OPHN1: variants seen among roughly 807,000 people sequenced by gnomAD.
The protein encoded by OPHN1 is oligophrenin-1.
In OPHN1, 11 loss-of-function variants were observed where a neutral mutation model predicts 60.7. The observed-to-expected ratio is 0.18, with a 90% confidence interval of 0.11 to 0.30. The LOEUF (loss-of-function observed/expected upper bound fraction) is 0.30. OPHN1 is among the 10% of genes least tolerant of loss of function. The pLI is 1.00. For synonymous variants in OPHN1, 226 were observed against 222.6 expected (o/e 1.02, Z -0.14); for missense variants, 449 against 611.0 (o/e 0.73, Z 2.80).
chrX:68,227,707 A>G (rs2077702919), intron 6 of OPHN1, among the ~76,000 whole-genome samples: 1 of 111,616 alleles, frequency 9.0e-6, no homozygotes, highest in African/African-American at 3.3e-5. Context: ...TTTGAAACCA[A>G]CGAGAACAAG....
At position 68,375,148 on chromosome X, in the gene OPHN1, CA is replaced by C. The variant is rs146709195; in HGVS notation, c.154+57718del. Among the ~76,000 whole-genome samples the C allele has an allele frequency of 5.2e-3, 572 of 109,456 alleles. 4 individuals carry two copies. The highest frequency in any genetic ancestry group is 8.9e-3 in the Non-Finnish European group (468 of 52,340). On this transcript the variant is annotated intron_variant, in intron 2 of 24. Coordinates refer to ENST00000355520, the MANE Select transcript of OPHN1 (RefSeq NM_002547.3). ...TCTAGAAATAATGTGTGTTCACACACAAAAAAAAACATATAATAATGTTTAC... is the reference window on the plus strand; with the variant it reads ...TCTAGAAATAATGTGTGTTCACACACAAAAAAAACATATAATAATGTTTAC...
intron 10 of OPHN1, among the ~76,000 whole-genome samples, chrX:68,205,745 T>C (rs974835642): frequency 5.4e-5 from 6 of 111,759 alleles, no homozygotes; most frequent in East Asian, 2.8e-4. Flanking sequence ...CCTACCTAAA[T>C]TGGGTCTTCA....
intron 2 of OPHN1, among the ~76,000 whole-genome samples, chrX:68,356,592 T>C (rs1261466329): frequency 9.0e-6 from 1 of 110,587 alleles, no homozygotes; most frequent in Non-Finnish European, 1.9e-5. Context: ...TTTATATTTT[T>C]AGTAGAGGTG....
chrX:68,129,374 T>A (rs138750938), intron 15 of OPHN1, among the ~76,000 whole-genome samples: 6 of 111,485 alleles, frequency 5.4e-5, no homozygotes, highest in African/African-American at 2.0e-4. Flanking sequence ...AAAATGCAGA[T>A]CTCTGGATCC....
chrX:68,052,745 T>C (rs1273265623), intron 22 of OPHN1, among the ~76,000 whole-genome samples, 155 bp from the exon 23 acceptor site: 2 of 111,733 alleles, frequency 1.8e-5, no homozygotes, highest in Non-Finnish European at 3.8e-5. Flanking sequence ...AAATGTGAAA[T>C]GGCCCAGAGC....
At chrX:68,425,974 G>T (rs1333160586) in intron 2 of OPHN1, among the ~76,000 whole-genome samples, 1 of 109,414 alleles carries the variant, frequency 9.1e-6, no homozygotes, top group Non-Finnish European at 1.9e-5. Context: ...GGGACTACAG[G>T]CACGCACCAC....
chrX:68,154,473 C>T (rs926480626), intron 15 of OPHN1, among the ~76,000 whole-genome samples: 3 of 112,443 alleles, frequency 2.7e-5, no homozygotes, highest in East Asian at 2.8e-4. Context: ...AAAATTATAT[C>T]GATTCTTCCT....
At position 68,432,890 on chromosome X, in the gene OPHN1, T is replaced by C; in HGVS notation, c.131A>G (p.Asn44Ser). Residue 44 changes from asparagine (N) to serine (S), a missense_variant, in exon 2 of 25, where the codon AAC becomes AGC. Asn to Ser is a conservative substitution (Grantham distance 46, BLOSUM62 1). Transcript: ENST00000355520. ...KFIKDVIKDG[N>S]ALISAMRNYS... ...ACTTCTCATAGCGCTGATAAGCGCGTTGCCGTCTTTGATTACGTCTTTGAT... is the reference window on the plus strand; with the variant it reads ...ACTTCTCATAGCGCTGATAAGCGCGCTGCCGTCTTTGATTACGTCTTTGAT... 8.3e-7 allele frequency: 1 copy of C among 1,211,867 alleles called. No individual in the cohort carries two copies. The highest frequency in any genetic ancestry group is 1.1e-6 in the Non-Finnish European group (1 of 895,396).
At chrX:68,106,168 T>A (rs2077081144) in intron 18 of OPHN1, among the ~76,000 whole-genome samples, 2 of 107,021 alleles carry the variant, frequency 1.9e-5, no homozygotes, top group South Asian at 8.5e-4. Context: ...GATTATTGAA[T>A]GTTGGGAATA....
intron 2 of OPHN1, among the ~76,000 whole-genome samples, chrX:68,423,559 C>T (rs1008080683): frequency 3.6e-5 from 4 of 110,480 alleles, no homozygotes; most frequent in African/African-American, 1.3e-4. Context: ...AAAGAGAAAC[C>T]CTTTACCCAT....
intron 15 of OPHN1, among the ~76,000 whole-genome samples, chrX:68,137,502 T>C (rs1450200836): frequency 8.9e-6 from 1 of 111,995 alleles, no homozygotes; most frequent in Non-Finnish European, 1.9e-5. Flanking sequence ...GAAAGTTGCT[T>C]GGGCTCTGAC....
chrX:68,409,085 G>C lies in OPHN1; in HGVS notation c.154+23782C>G, dbSNP rs536953397. Among the ~76,000 whole-genome samples the C allele has an allele frequency of 1.7e-4, 19 of 112,400 alleles. No homozygotes were observed. The South Asian group carries it at 7.0e-3, about 41-fold the overall frequency. ...TAAGTCTCAATCGACATTTCCTCTA[G>C]GCATACAGCACTTAATTAGAAAGAA... is the stretch of plus-strand genomic sequence containing the variant. On this transcript the variant is annotated intron_variant, in intron 2 of 24. Transcript: ENST00000355520.
At chrX:68,136,119 C>T (rs1400829773) in intron 15 of OPHN1, among the ~76,000 whole-genome samples, 4 of 109,935 alleles carry the variant, frequency 3.6e-5, no homozygotes, top group East Asian at 2.8e-4. Context: ...CTACTGGCTA[C>T]ATATGGTAAT....
At chrX:68,367,436 A>T (rs1274559188) in intron 2 of OPHN1, among the ~76,000 whole-genome samples, 4 of 109,711 alleles carry the variant, frequency 3.6e-5, no homozygotes, top group Non-Finnish European at 7.6e-5. Flanking sequence ...ACTTTACGTG[A>T]CCCAAGTGAA....
At chrX:68,218,133 C>A (rs1447587932) in intron 6 of OPHN1, among the ~76,000 whole-genome samples, 1 of 88,973 alleles carries the variant, frequency 1.1e-5, no homozygotes, top group Non-Finnish European at 2.3e-5. Flanking sequence ...GTGAAGAATG[C>A]AGAAGCCTCA....
chrX:68,095,840 T>C (rs1043302828), intron 19 of OPHN1, among the ~76,000 whole-genome samples: 2 of 111,758 alleles, frequency 1.8e-5, no homozygotes, highest in African/African-American at 6.5e-5. Context: ...TGTCAATAAA[T>C]ATTTGTCTTA....
At position 68,125,930 on chromosome X, in the gene OPHN1, AATATATATATAT is replaced by A. The variant is rs59058075; in HGVS notation, c.1277-6610_1277-6599del. On this transcript the variant is annotated intron_variant, in intron 15 of 24. Coordinates refer to ENST00000355520, the MANE Select transcript of OPHN1 (RefSeq NM_002547.3). ...AAGCTATTGGCCATAACCACTGATCAATATATATATATATATATATATATATACATACACACA... is the reference window on the plus strand; with the variant it reads ...AAGCTATTGGCCATAACCACTGATCAATATATATATATATACATACACACA... 3.1e-4 allele frequency among the ~76,000 whole-genome samples: 7 copies of A among 22,262 alleles called. 1 individual carries two copies. The highest frequency in any genetic ancestry group is 2.7e-3 in the Admixed American group (4 of 1,460). 19.3% of individuals were successfully genotyped at this position (22,262 alleles called of 115,157 possible). A position where few individuals can be genotyped will look rare whatever the true frequency, so the allele number is the denominator to read the frequency against.
chrX:68,096,830 CAT>C lies in OPHN1; in HGVS notation c.1686+38_1686+39del, dbSNP rs747493159. On this transcript the variant is annotated intron_variant, in intron 19 of 24. Transcript: ENST00000355520. ...AAAAGGCAGTTGGGGGAAAGTGTCA[CAT>C]GTTTGGAAGACAGGTAGTGAGAATA... 26 of 1,187,664 alleles carry C rather than the reference CAT, an allele frequency of 2.2e-5. No homozygotes were observed. In the African/African-American group the frequency reaches 4.1e-4, roughly 19 times the overall value.
intron 15 of OPHN1, among the ~76,000 whole-genome samples, chrX:68,131,525 A>G (rs2077194657): frequency 8.9e-6 from 1 of 111,967 alleles, no homozygotes; most frequent in Admixed American, 9.5e-5. Flanking sequence ...CACAAAGAAC[A>G]CTTTAAATGC....
Sources: allele counts gnomAD v4.1 joint callset (sites outside exome capture counted in the v4.1 genomes callset), GRCh38; gene constraint gnomAD v4.1.1; transcripts MANE v1.5; gene names NCBI Gene and HGNC (gene_info 2026-07-23, HGNC 2026-07-21).